Variants in CPM observed in about 807,000 individuals in gnomAD.
CPM encodes renal carboxypeptidase.
CPM carries 35 observed loss-of-function variants against 46.4 expected under a neutral mutation model. The observed-to-expected ratio is 0.75, with a 90% confidence interval of 0.58 to 1.00. The LOEUF (loss-of-function observed/expected upper bound fraction) is 1.00. Ranked by LOEUF, CPM falls within the 50% of genes least tolerant of loss-of-function variation. The pLI, the probability that CPM is intolerant of heterozygous loss-of-function variation, is 0.00. For synonymous variants in CPM, 195 were observed against 195.3 expected (o/e 1.00, Z 0.01); for missense variants, 422 against 530.4 (o/e 0.80, Z 2.01).
chr12:68,945,846 CT>C (rs1170064808), intron 1 of CPM, among the ~76,000 whole-genome samples: 6,033 of 88,710 alleles, frequency 0.068, 46 homozygotes, highest in African/African-American at 0.096. Flanking sequence ...TTCTTTCTTT[CT>C]TTTTTTTTTT....
At chr12:68,857,721 A>G (rs1184305326) in intron 8 of CPM, among the ~76,000 whole-genome samples, 1 of 152,198 alleles carries the variant, frequency 6.6e-6, no homozygotes, top group Non-Finnish European at 1.5e-5. Flanking sequence ...TTCAAATATT[A>G]TCCTAGAACT....
At chr12:68,845,636 C>T (rs1011253543) in intron 5 of CPM, 3 of 176,456 alleles carry the variant, frequency 1.7e-5, no homozygotes, top group Non-Finnish European at 3.7e-5. Context: ...ATTCGATAGG[C>T]ATTTTCATGT....
chr12:68,856,600 T>C lies in CPM; in HGVS notation c.1169A>G (p.Lys390Arg), dbSNP rs1884982572. The change falls in exon 9 of 9, where the codon AAG (lysine) becomes AGG (arginine). Residue 390 changes from lysine (K) to arginine (R), a missense_variant. By Grantham distance (26) the Lys-to-Arg change is conservative. Transcript: ENST00000551568. ...CCCTTGGAATGGAAGTAGAATATCC[T>C]TTTTAAGAGCACTGAAGTTCTGGGA... ...EKSQNFSALK[K>R]DILLPFQGQL... The C allele has an allele frequency of 1.2e-6, 2 of 1,614,112 alleles. No homozygotes were observed. The highest frequency in any genetic ancestry group is 1.7e-6 in the Non-Finnish European group (2 of 1,180,028).
chr12:68,859,655 A>C (rs1374643795), intron 7 of CPM, among the ~76,000 whole-genome samples: 1 of 152,212 alleles, frequency 6.6e-6, no homozygotes, highest in African/African-American at 2.4e-5. Context: ...TTAAATTCTC[A>C]TATCAGCTCT....
intron 1 of CPM, among the ~76,000 whole-genome samples, chr12:68,958,037 C>A (rs1214932364): frequency 6.6e-6 from 1 of 152,182 alleles, no homozygotes; most frequent in Non-Finnish European, 1.5e-5. Context: ...TTTTTTATGG[C>A]TGCAAAGTAT....
chr12:68,949,145 T>C (rs1861194801), intron 1 of CPM, among the ~76,000 whole-genome samples: 1 of 152,114 alleles, frequency 6.6e-6, no homozygotes, highest in African/African-American at 2.4e-5. Flanking sequence ...CTGAGGTGGG[T>C]GGATCACTTG....
intron 3 of CPM, among the ~76,000 whole-genome samples, chr12:68,885,425 C>G (rs1806839267): frequency 6.6e-6 from 1 of 152,198 alleles, no homozygotes; most frequent in South Asian, 2.1e-4. Flanking sequence ...TACAATACAG[C>G]TCCTTTGCTG....
intron 1 of CPM, among the ~76,000 whole-genome samples, chr12:68,962,652 G>A (rs1889141846): frequency 6.6e-6 from 1 of 152,170 alleles, no homozygotes; most frequent in Admixed American, 6.5e-5. Context: ...AACAAGCTCA[G>A]GCCATGATGG....
chr12:68,955,430 G>A (rs972658276), intron 1 of CPM, among the ~76,000 whole-genome samples: 1 of 152,080 alleles, frequency 6.6e-6, no homozygotes, highest in Non-Finnish European at 1.5e-5. Flanking sequence ...GGAGCCCCCA[G>A]GTCTGTGCTC....
intron 2 of CPM, among the ~76,000 whole-genome samples, chr12:68,918,634 A>G (rs1017758467): frequency 3.3e-5 from 5 of 151,968 alleles, no homozygotes; most frequent in African/African-American, 1.2e-4. Context: ...ATCCAATCCA[A>G]TCCAATCCAA....
chr12:68,868,426 T>C (rs1885549834), intron 6 of CPM, among the ~76,000 whole-genome samples: 1 of 152,200 alleles, frequency 6.6e-6, no homozygotes, highest in Non-Finnish European at 1.5e-5. Context: ...CCTTTGGAAG[T>C]GGCCTGCACG....
chr12:68,914,957 G>C (rs1887745390), intron 2 of CPM, among the ~76,000 whole-genome samples: 1 of 152,122 alleles, frequency 6.6e-6, no homozygotes, highest in African/African-American at 2.4e-5. Context: ...TAGGTGTCAG[G>C]ATTTAAAATA....
chr12:68,932,979 G>GC, intron 1 of CPM, 139 bp from the exon 2 acceptor site: 1 of 719,622 alleles, frequency 1.4e-6, no homozygotes. Context: ...AAAGCTGGAA[G>GC]CAACACCTTC....
At chr12:68,904,371 T>G (rs1887248931) in intron 2 of CPM, among the ~76,000 whole-genome samples, 1 of 152,180 alleles carries the variant, frequency 6.6e-6, no homozygotes, top group Non-Finnish European at 1.5e-5. Flanking sequence ...TGCCCATCAT[T>G]TGCAGTACAT....
chr12:68,948,344 AG>A (rs1454844488), intron 1 of CPM, among the ~76,000 whole-genome samples: 2 of 152,188 alleles, frequency 1.3e-5, no homozygotes, highest in Non-Finnish European at 2.9e-5. Flanking sequence ...TGAGGGCCTG[AG>A]GGGGTAGGCA....
chr12:68,866,850 G>A, intron 7 of CPM, 46 bp downstream of exon 7: 1 of 1,528,364 alleles, frequency 6.5e-7, no homozygotes, highest in Admixed American at 1.8e-5. Context: ...CTTGCCAGAT[G>A]CTCTATTTTG....
chr12:68,920,920 T>G (rs1359620823), intron 2 of CPM, among the ~76,000 whole-genome samples: 2 of 151,546 alleles, frequency 1.3e-5, no homozygotes, highest in Non-Finnish European at 2.9e-5. Context: ...CAGGCTGTTC[T>G]CAAACTCCTG....
At chr12:68,848,525 A>AG (rs1324465049), downstream of CPM, 2 of 152,232 alleles carry the variant, frequency 1.3e-5, no homozygotes, top group East Asian at 3.9e-4. Context: ...ATGGCAAAAA[A>AG]GAAGCATTCT....
chr12:68,945,842 CTTTCTTTTTTT>C (rs1300393542), intron 1 of CPM, among the ~76,000 whole-genome samples: 2 of 126,324 alleles, frequency 1.6e-5, no homozygotes, highest in Non-Finnish European at 3.4e-5. Flanking sequence ...TCTTTTCTTT[CTTTCTTTTTTT>C]TTTTTTTTTT....
Sources: allele counts gnomAD v4.1 joint callset (sites outside exome capture counted in the v4.1 genomes callset), GRCh38; gene constraint gnomAD v4.1.1; transcripts MANE v1.5; gene names NCBI Gene and HGNC (gene_info 2026-07-23, HGNC 2026-07-21).